RPRD2: variants seen among roughly 807,000 people sequenced by gnomAD.
The protein encoded by RPRD2 is regulation of nuclear pre-mRNA domain-containing protein 2.
In RPRD2, 12 loss-of-function variants were observed where a neutral mutation model predicts 104.4. The observed-to-expected ratio is 0.11, with a 90% CI of 0.07 to 0.19. The LOEUF is 0.19. Ranked by LOEUF, RPRD2 falls within the 10% of genes least tolerant of loss-of-function variation. The pLI is 1.00. For synonymous variants in RPRD2, 714 were observed against 684.9 expected (o/e 1.04, Z -0.66); for missense variants, 1,543 against 1,790.1 (o/e 0.86, Z 2.49).
rs372575772 is a variant in RPRD2 at position 150,404,896 on chromosome 1, A to G, written c.206-12700A>G. On this transcript the variant is annotated intron_variant, in intron 1 of 10. Transcript: ENST00000369068. ...AGTGCATGTCTCTCCATTATTACATATTGTTATTTCAGTGCTTATTAGTCC... is the reference window on the plus strand; with the variant it reads ...AGTGCATGTCTCTCCATTATTACATGTTGTTATTTCAGTGCTTATTAGTCC... Among the ~76,000 whole-genome samples, 42 of 152,288 alleles carry G rather than the reference A, an allele frequency of 2.8e-4. No individual in the cohort carries two copies. In the East Asian group the frequency reaches 6.9e-3, roughly 25 times the overall value.
At chr1:150,406,114 G>A (rs782441646) in intron 1 of RPRD2, among the ~76,000 whole-genome samples, 4 of 152,164 alleles carry the variant, frequency 2.6e-5, no homozygotes, top group African/African-American at 7.2e-5. Context: ...AAAGAAATTC[G>A]TGCTAGTTTT....
At chr1:150,377,806 A>G (rs756365789) in intron 1 of RPRD2, among the ~76,000 whole-genome samples, 2 of 152,156 alleles carry the variant, frequency 1.3e-5, no homozygotes, top group Non-Finnish European at 2.9e-5. Flanking sequence ...GCTCTGCAAA[A>G]TATGAATTTG....
At chr1:150,396,888 A>T (rs1662571819) in intron 1 of RPRD2, among the ~76,000 whole-genome samples, 1 of 152,062 alleles carries the variant, frequency 6.6e-6, no homozygotes, top group South Asian at 2.1e-4. Context: ...GAATTCTCAA[A>T]CGAGACACAC....
intron 1 of RPRD2, among the ~76,000 whole-genome samples, chr1:150,378,104 TTAA>T (rs1310372795): frequency 7.2e-4 from 110 of 152,300 alleles, no homozygotes; most frequent in African/African-American, 2.5e-3. Flanking sequence ...TTGTTATTAC[TTAA>T]TAATCTTATA....
At chr1:150,417,456 G>T (rs1553888777) in intron 1 of RPRD2, 140 bp from the exon 2 acceptor site, 3 of 614,040 alleles carry the variant, frequency 4.9e-6, no homozygotes, top group African/African-American at 3.8e-5. Flanking sequence ...TTCCATCCAT[G>T]TAATTACATT....
At chr1:150,417,505 G>A in intron 1 of RPRD2, 91 bp from the exon 2 acceptor site, 2 of 1,031,078 alleles carry the variant, frequency 1.9e-6, no homozygotes, top group East Asian at 5.5e-5. Flanking sequence ...AAAATAACCA[G>A]TTACAGTTTG....
chr1:150,457,285 T>C lies in RPRD2; in HGVS notation c.871-3T>C. The C allele has an allele frequency of 6.2e-7, 1 of 1,610,406 alleles. No individual in the cohort carries two copies. The highest frequency in any genetic ancestry group is 1.1e-5 in the South Asian group (1 of 90,758). On this transcript the variant is annotated splice_region_variant and splice_polypyrimidine_tract_variant and intron_variant, in intron 7 of 10. Transcript: ENST00000369068. Reference sequence around the variant, plus strand: ...AGGAGTAAACTCCTTTTTTCTCTTTTAGGCATATAAAACCTTTGCTAACCG... The same window carrying C: ...AGGAGTAAACTCCTTTTTTCTCTTTCAGGCATATAAAACCTTTGCTAACCG...
intron 1 of RPRD2, among the ~76,000 whole-genome samples, chr1:150,393,490 A>T (rs1255872519): frequency 1.3e-5 from 2 of 151,892 alleles, no homozygotes; most frequent in African/African-American, 2.4e-5. Flanking sequence ...AATAAAAAAA[A>T]CATTGGGTGA....
rs909126673 is a variant in RPRD2 at position 150,459,259 on chromosome 1, C to T, written c.1154-801C>T. Among the ~76,000 whole-genome samples, 15 of 152,202 alleles carry T rather than the reference C, an allele frequency of 9.9e-5. No homozygotes were observed. In the South Asian group the frequency reaches 3.1e-3, roughly 32 times the overall value. On this transcript the variant is annotated intron_variant, in intron 8 of 10. Coordinates refer to ENST00000369068, the MANE Select transcript of RPRD2 (RefSeq NM_015203.5). ...CCTTAAAGCATTAAAAATAATTATT[C>T]AAGGTGATTGAGAGTTAAAACATTG...
chr1:150,365,211 A>C (rs1441908397), intron 1 of RPRD2, among the ~76,000 whole-genome samples: 1 of 152,158 alleles, frequency 6.6e-6, no homozygotes, highest in Non-Finnish European at 1.5e-5. Flanking sequence ...GAGCCTTGTA[A>C]GGTGTATTGA....
chr1:150,371,471 C>G (rs141420859), intron 1 of RPRD2, among the ~76,000 whole-genome samples: 3,073 of 152,240 alleles, frequency 0.02, 131 homozygotes, highest in African/African-American at 0.071. Flanking sequence ...TCACTCCATT[C>G]TCCTGCCTCA....
chr1:150,437,812 T>C (rs1261468920), intron 2 of RPRD2, among the ~76,000 whole-genome samples: 1 of 151,570 alleles, frequency 6.6e-6, no homozygotes, highest in Non-Finnish European at 1.5e-5. Flanking sequence ...ACTCCTGGGC[T>C]CAGGTGATCC....
chr1:150,409,441 C>T (rs772625685), intron 1 of RPRD2, among the ~76,000 whole-genome samples: 2 of 151,660 alleles, frequency 1.3e-5, no homozygotes, highest in Non-Finnish European at 2.9e-5. Flanking sequence ...AGTTACTGAA[C>T]GCCAACTAAG....
chr1:150,431,408 G>A (rs2102320914), intron 2 of RPRD2, among the ~76,000 whole-genome samples: 1 of 150,618 alleles, frequency 6.6e-6, no homozygotes, highest in African/African-American at 2.4e-5. Context: ...GTTTGTCAGT[G>A]GATGAATGGA....
rs782712810 is a variant in RPRD2 at position 150,457,499 on chromosome 1, C to G, written c.1082C>G (p.Pro361Arg). The G allele has an allele frequency of 1.9e-6, 3 of 1,613,396 alleles. No individual in the cohort carries two copies. Among genetic ancestry groups the G allele is most frequent in the Non-Finnish European group, 2.5e-6 (3 of 1,179,426 alleles). ...AGTGAGAAATCTGCCACACCTGAAC[C>G]TGTGACAGATAATCGTGATGTGGAA... ...MESEKSATPE[P>R]VTDNRDVEDM... The change falls in exon 8 of 11, where the codon CCT becomes CGT. Residue 361 changes from proline to arginine, a missense_variant. By Grantham distance (103) the Pro-to-Arg change is moderately radical. Around this residue, in one of 4 missense-constraint regions of RPRD2, gnomAD observed 572 missense variants for 787.3 expected, o/e 0.73. Transcript: ENST00000369068.
intron 7 of RPRD2, among the ~76,000 whole-genome samples, chr1:150,449,763 A>C (rs1667030322): frequency 6.6e-6 from 1 of 152,190 alleles, no homozygotes; most frequent in South Asian, 2.1e-4. Context: ...GGGGGTGCAG[A>C]GATAGATAAT....
chr1:150,472,119 A>G lies in RPRD2; in HGVS notation c.3171A>G (p.Gln1057=). ...PSLTATDQQQ[Q]EEHYRIETRV... is the part of the protein sequence containing the mutation. ...TGACCGCCACTGATCAGCAGCAACA[A>G]GAAGAGCACTACCGCATAGAAACCC... Residue 1057 remains glutamine (Q), a synonymous_variant, in exon 11 of 11, where the codon CAA becomes CAG. Coordinates refer to ENST00000369068, the MANE Select transcript of RPRD2 (RefSeq NM_015203.5). 1.2e-6 allele frequency: 2 copies of G among 1,613,826 alleles called. No homozygotes were observed. The highest frequency in any genetic ancestry group is 8.5e-7 in the Non-Finnish European group (1 of 1,179,896).
At chr1:150,383,633 A>G (rs182648425) in intron 1 of RPRD2, among the ~76,000 whole-genome samples, 41 of 152,258 alleles carry the variant, frequency 2.7e-4, no homozygotes, top group Admixed American at 2.5e-3. Context: ...GAGATTTTAA[A>G]AGGACATCAG....
At chr1:150,423,692 C>A (rs1382144145) in intron 2 of RPRD2, among the ~76,000 whole-genome samples, 1 of 152,018 alleles carries the variant, frequency 6.6e-6, no homozygotes, top group Non-Finnish European at 1.5e-5. Flanking sequence ...TGAGCACCAA[C>A]ATGATGCACA....
Sources: allele counts gnomAD v4.1 joint callset (sites outside exome capture counted in the v4.1 genomes callset), GRCh38; gene constraint gnomAD v4.1.1; regional missense constraint gnomAD v4.1.1; transcripts MANE v1.5; gene names NCBI Gene and HGNC (gene_info 2026-07-23, HGNC 2026-07-21).